FAM241A: variants seen among roughly 807,000 people sequenced by gnomAD.
FAM241A encodes uncharacterized protein FAM241A.
Under a neutral mutation model 12.2 loss-of-function variants are expected in FAM241A, and 7 were observed. The observed-to-expected ratio is 0.58, with a 90% CI of 0.33 to 1.08. FAM241A has a LOEUF of 1.08. Ranked by LOEUF, FAM241A falls within the 50% of genes least tolerant of loss-of-function variation. FAM241A has a pLI of 0.04. For synonymous variants in FAM241A, 74 were observed against 68.2 expected, an observed-to-expected ratio of 1.08 and a Z score of -0.42; for missense variants, 161 against 169.7, an observed-to-expected ratio of 0.95 and a Z score of 0.29.
At chr4:112,158,732 A>G (rs1723403709) in intron 1 of FAM241A, among the ~76,000 whole-genome samples, 2 of 152,156 alleles carry the variant, frequency 1.3e-5, no homozygotes, top group African/African-American at 4.8e-5. Flanking sequence ...ATATTTGACC[A>G]TACTTATGGG....
chr4:112,150,590 C>T (rs1453885116), intron 1 of FAM241A, among the ~76,000 whole-genome samples: 1 of 151,914 alleles, frequency 6.6e-6, no homozygotes, highest in Non-Finnish European at 1.5e-5. Flanking sequence ...ACTTCTGTAA[C>T]AGCATTTGCC....
chr4:112,179,914 G>GAGATATATATATATATATATATATATAT (rs1479640205), intron 1 of FAM241A, among the ~76,000 whole-genome samples: 1 of 117,770 alleles, frequency 8.5e-6, no homozygotes, highest in African/African-American at 3.5e-5. Flanking sequence ...AAGAAAATGT[G>GAGATATATATATATATATATATATATAT]ATATATATAT....
intron 1 of FAM241A, among the ~76,000 whole-genome samples, chr4:112,172,212 AT>A (rs952187635): frequency 2.6e-5 from 4 of 152,210 alleles, no homozygotes; most frequent in African/African-American, 9.6e-5. Flanking sequence ...ATTAGTGTTC[AT>A]TTTTTAAATT....
intron 1 of FAM241A, among the ~76,000 whole-genome samples, chr4:112,174,111 C>T (rs994126067): frequency 6.6e-6 from 1 of 152,160 alleles, no homozygotes; most frequent in Non-Finnish European, 1.5e-5. Context: ...TGTGGAATCT[C>T]AATTCCAGGT....
intron 1 of FAM241A, 89 bp from the exon 2 acceptor site, chr4:112,186,604 C>T (rs1288189040): frequency 8.2e-7 from 1 of 1,226,476 alleles, no homozygotes; most frequent in East Asian, 2.4e-5. Flanking sequence ...ATGCCCAGCA[C>T]TTTGGAAGAT....
chr4:112,149,467 G>A (rs1335377435), intron 1 of FAM241A, among the ~76,000 whole-genome samples: 1 of 152,162 alleles, frequency 6.6e-6, no homozygotes, highest in African/African-American at 2.4e-5. Flanking sequence ...GTTGCTTCAA[G>A]CTTTCTTTTA....
chr4:112,171,250 G>A (rs1244665179), intron 1 of FAM241A: 2 of 742,522 alleles, frequency 2.7e-6, no homozygotes, highest in Non-Finnish European at 4.9e-6. Context: ...TGGACTTTCT[G>A]TACGAAGTGT....
intron 1 of FAM241A, among the ~76,000 whole-genome samples, chr4:112,184,311 C>A (rs1188306660): frequency 6.6e-6 from 1 of 152,178 alleles, no homozygotes; most frequent in Non-Finnish European, 1.5e-5. Context: ...AGGTGGATCA[C>A]CTGAGGCCAG....
chr4:112,186,885 GCCCTT>G lies in FAM241A; in HGVS notation c.347_351del (p.Ala116GlyfsTer28). The G allele has an allele frequency of 6.2e-7, 1 of 1,614,096 alleles. No homozygotes were observed. Among genetic ancestry groups the G allele is most frequent in the Non-Finnish European group, 8.5e-7 (1 of 1,179,968 alleles). ...TATGCTGTGGTTCCTTGGCCTGCAA[GCCCTT>G]GGACTAGTTGCTGTTCTTTGCCTTG... On this transcript the variant is annotated frameshift_variant, in exon 2 of 2. Transcript: ENST00000309733. LOFTEE classifies it high-confidence loss of function.
rs973596511 is a variant in FAM241A at position 112,188,584 on chromosome 4, A to T, written c.*1646A>T. ...TTATAGTAGCCTTTATGAACTCAGT[A>T]TAAGTGCAAGTTGTTTGAAAAGGTG... is the stretch of plus-strand genomic sequence containing the variant. On this transcript the variant is annotated 3_prime_UTR_variant, in exon 2 of 2. Coordinates refer to ENST00000309733, the MANE Select transcript of FAM241A (RefSeq NM_152400.3). 6.6e-6 allele frequency: 1 copy of T among 152,184 alleles called. No individual in the cohort carries two copies. Among genetic ancestry groups the T allele is most frequent in the African/African-American group, 2.4e-5 (1 of 41,458 alleles). The allele number at this position is 152,184 out of a possible 1,614,324, so 9.4% of individuals were successfully genotyped here.
chr4:112,163,399 C>A (rs1171066759), intron 1 of FAM241A, among the ~76,000 whole-genome samples: 7 of 152,148 alleles, frequency 4.6e-5, no homozygotes, highest in African/African-American at 1.4e-4. Context: ...AAAAATTTTA[C>A]AATCTACCCA....
intron 1 of FAM241A, among the ~76,000 whole-genome samples, chr4:112,154,949 G>A (rs758237839): frequency 6.6e-5 from 10 of 151,986 alleles, no homozygotes; most frequent in Non-Finnish European, 1.5e-4. Context: ...TAGAAGAATC[G>A]CTTGAACCCA....
In FAM241A at chr4:112,186,869, G is replaced by T. The variant is rs765877248; in HGVS notation, c.330G>T (p.Trp110Cys). 1.9e-6 allele frequency: 3 copies of T among 1,614,064 alleles called. No homozygotes were observed. The highest frequency in any genetic ancestry group is 2.2e-5 in the South Asian group (2 of 91,086). Residue 110 changes from tryptophan to cysteine, a missense_variant, in exon 2 of 2, where the codon TGG becomes TGT. Physicochemically the swap from Trp to Cys is radical, Grantham distance 215. Coordinates refer to ENST00000309733, the MANE Select transcript of FAM241A (RefSeq NM_152400.3). ...TCATTTTCTTTTGGGTTATGCTGTG[G>T]TTCCTTGGCCTGCAAGCCCTTGGAC... The part of the protein sequence containing the change: ...VIVIFFWVML[W>C]FLGLQALGLV...
intron 1 of FAM241A, among the ~76,000 whole-genome samples, chr4:112,173,412 A>C (rs747091736): frequency 5.9e-5 from 9 of 152,178 alleles, no homozygotes; most frequent in Non-Finnish European, 1.2e-4. Flanking sequence ...AGGACTGACT[A>C]TTCTGAGATT....
intron 1 of FAM241A, among the ~76,000 whole-genome samples, chr4:112,185,941 C>T (rs1455327781): frequency 6.6e-6 from 1 of 152,140 alleles, no homozygotes; most frequent in Non-Finnish European, 1.5e-5. Flanking sequence ...CACGCTGGTC[C>T]CTCTATTGGC....
chr4:112,151,659 A>T (rs1430696355), intron 1 of FAM241A, among the ~76,000 whole-genome samples: 1 of 152,164 alleles, frequency 6.6e-6, no homozygotes, highest in Admixed American at 6.5e-5. Flanking sequence ...TATTCACCAC[A>T]CTTGCCCTTC....
chr4:112,171,581 C>T (rs769107999), intron 1 of FAM241A: 22 of 669,398 alleles, frequency 3.3e-5, no homozygotes, highest in East Asian at 2.2e-4. Flanking sequence ...AGTTTATGGC[C>T]GGGTGCGGTG....
rs770981967 is a variant in FAM241A at position 112,186,771 on chromosome 4, C to A, written c.232C>A (p.Leu78Met). The A allele has an allele frequency of 6.2e-7, 1 of 1,613,118 alleles. No homozygotes were observed. The highest frequency in any genetic ancestry group is 8.5e-7 in the Non-Finnish European group (1 of 1,179,794). Residue 78 changes from leucine to methionine, a missense_variant, in exon 2 of 2, where the codon CTG becomes ATG. Physicochemically the swap from Leu to Met is conservative, Grantham distance 15 (BLOSUM62 2). Transcript: ENST00000309733. ...GAAAATGGGAACACTTTTTGGTGAACTGAACAAAAACCTTATCAACATGGG... is the reference window on the plus strand; with the variant it reads ...GAAAATGGGAACACTTTTTGGTGAAATGAACAAAAACCTTATCAACATGGG... ...YKKMGTLFGE[L>M]NKNLINMGFT...
chr4:112,147,657 C>G (rs1723167282), intron 1 of FAM241A, among the ~76,000 whole-genome samples: 2 of 151,986 alleles, frequency 1.3e-5, no homozygotes, highest in Admixed American at 1.3e-4. Context: ...GGAACATATC[C>G]CAAGGACTCA....
Sources: allele counts gnomAD v4.1 joint callset (sites outside exome capture counted in the v4.1 genomes callset), GRCh38; gene constraint gnomAD v4.1.1; transcripts MANE v1.5; gene names NCBI Gene and HGNC (gene_info 2026-07-23, HGNC 2026-07-21).